PTPRF: variants seen among roughly 807,000 people sequenced by gnomAD.
PTPRF encodes protein tyrosine phosphatase receptor type F, also known as receptor-type tyrosine-protein phosphatase F.
In PTPRF, 59 loss-of-function variants were observed where a neutral mutation model predicts 201.8. The ratio of observed to expected loss-of-function variants is 0.29; its 90% CI spans 0.24 to 0.36. The LOEUF (loss-of-function observed/expected upper bound fraction) is 0.36. Among genes scored for constraint, PTPRF ranks in the 10% least tolerant of loss-of-function variants. The pLI is 1.00. For synonymous variants in PTPRF, 1,088 were observed against 1,089.7 expected (o/e 1.00, Z 0.03); for missense variants, 2,132 against 2,690.5 (o/e 0.79, Z 4.59).
chr1:43,571,706 C>T (rs994288351), intron 6 of PTPRF, among the ~76,000 whole-genome samples: 2 of 152,224 alleles, frequency 1.3e-5, no homozygotes, highest in Admixed American at 1.3e-4. Flanking sequence ...GAGAATCCAT[C>T]ATCCTGTAGG....
chr1:43,531,226 G>T (rs1282604917), intron 1 of PTPRF, 136 bp downstream of exon 1: 1 of 150,038 alleles, frequency 6.7e-6, no homozygotes, highest in African/African-American at 2.4e-5. Context: ...AGGCCGGGCC[G>T]CGCCCCCACC....
At chr1:43,607,965 C>T (rs1161486271) in intron 21 of PTPRF, among the ~76,000 whole-genome samples, 1 of 152,260 alleles carries the variant, frequency 6.6e-6, no homozygotes, top group African/African-American at 2.4e-5. Context: ...TCAGTGAGCA[C>T]CTGGCAGATG....
chr1:43,618,516 G>C (rs1183686900), intron 25 of PTPRF, 114 bp from the exon 26 acceptor site: 1 of 1,341,614 alleles, frequency 7.5e-7, no homozygotes, highest in Admixed American at 2.0e-5. Context: ...GCTCAGGGCT[G>C]GGGGGCTTTG....
chr1:43,564,239 T>TGCAGATCTG (rs1391380356), intron 5 of PTPRF, among the ~76,000 whole-genome samples: 6 of 152,190 alleles, frequency 3.9e-5, no homozygotes, highest in Admixed American at 2.0e-4. Flanking sequence ...TGTGGGAGCG[T>TGCAGATCTG]GCAGATCTGG....
upstream of PTPRF, among the ~76,000 whole-genome samples, chr1:43,528,181 G>A (rs182400959): frequency 6.6e-6 from 1 of 152,256 alleles, no homozygotes; most frequent in East Asian, 1.9e-4. Context: ...ACTAAAGGTA[G>A]AGCAAGTCTT....
intron 30 of PTPRF, 91 bp downstream of exon 30, chr1:43,620,312 T>G: frequency 6.4e-7 from 1 of 1,564,672 alleles, no homozygotes; most frequent in Non-Finnish European, 8.7e-7. Context: ...ACTGTCTCCT[T>G]TGACACCCCA....
chr1:43,606,392 G>A lies in PTPRF; in HGVS notation c.3636G>A (p.Arg1212=), dbSNP rs1303737499. 1.2e-6 allele frequency: 2 copies of A among 1,614,140 alleles called. No individual in the cohort carries two copies. The highest frequency in any genetic ancestry group is 1.7e-6 in the Non-Finnish European group (2 of 1,180,016). The change falls in exon 20 of 34, where the codon CGG becomes CGA. Residue 1212 remains arginine, a synonymous_variant. Transcript: ENST00000359947. ...DKKNYRGFYN[R]PLSPDLSYQC... is the part of the protein sequence containing the mutation. ...AGAACTACCGGGGCTTCTACAACCG[G>A]CCCCTGTCTCCGGACTTGAGCTACC...
chr1:43,591,288 A>G lies in PTPRF; in HGVS notation c.1266A>G (p.Ala422=), dbSNP rs1650643472. Residue 422 remains alanine, a synonymous_variant, in exon 9 of 34, where the codon GCA becomes GCG. Transcript: ENST00000359947. ...APSSPPRRVQ[A]RMLSASTMLV... is the part of the protein sequence containing the mutation. ...CCAGCCCACCGCGCCGCGTGCAGGC[A>G]CGCATGCTGAGCGCCAGCACCATGC... The G allele has an allele frequency of 6.4e-7, 1 of 1,554,238 alleles. No individual in the cohort carries two copies. The highest frequency in any genetic ancestry group is 1.4e-5 in the African/African-American group (1 of 73,470).
At chr1:43,543,707 C>A (rs1268201281) in intron 2 of PTPRF, among the ~76,000 whole-genome samples, 2 of 152,212 alleles carry the variant, frequency 1.3e-5, no homozygotes, top group Non-Finnish European at 2.9e-5. Flanking sequence ...TTCCTGGTCA[C>A]CTGCCCTGTC....
At chr1:43,533,150 T>C (rs1413434846) in intron 1 of PTPRF, among the ~76,000 whole-genome samples, 1 of 152,242 alleles carries the variant, frequency 6.6e-6, no homozygotes, top group East Asian at 1.9e-4. Flanking sequence ...TTCTTTCCTT[T>C]AACAAGAAAA....
intron 5 of PTPRF, among the ~76,000 whole-genome samples, chr1:43,555,971 C>T (rs1286353929): frequency 6.6e-6 from 1 of 152,172 alleles, no homozygotes; most frequent in Non-Finnish European, 1.5e-5. Context: ...ATTTTTAAGC[C>T]TTTTGATATT....
At chr1:43,599,032 C>A in intron 13 of PTPRF, 119 bp downstream of exon 13, 1 of 1,125,648 alleles carries the variant, frequency 8.9e-7, no homozygotes, top group Non-Finnish European at 1.2e-6. Context: ...GCTGTGACTG[C>A]CTTTCCTTGG....
chr1:43,613,571 C>T, intron 22 of PTPRF, 47 bp from the exon 23 acceptor site: 1 of 1,493,930 alleles, frequency 6.7e-7, no homozygotes, highest in Non-Finnish European at 9.3e-7. Flanking sequence ...TGCCACACTG[C>T]TCAAGCCTCA....
intron 2 of PTPRF, among the ~76,000 whole-genome samples, chr1:43,540,160 C>T (rs1443774363): frequency 6.6e-6 from 1 of 152,206 alleles, no homozygotes; most frequent in Non-Finnish European, 1.5e-5. Context: ...TCCCTGGTTT[C>T]TTCCCCCTAG....
chr1:43,582,107 T>C (rs1169994488), intron 7 of PTPRF, among the ~76,000 whole-genome samples: 1 of 152,206 alleles, frequency 6.6e-6, no homozygotes, highest in Non-Finnish European at 1.5e-5. Flanking sequence ...TTGGCTTCGG[T>C]GTCTACCTCA....
At chr1:43,581,259 C>T (rs1016750732) in intron 7 of PTPRF, among the ~76,000 whole-genome samples, 2 of 152,246 alleles carry the variant, frequency 1.3e-5, no homozygotes, top group South Asian at 2.1e-4. Flanking sequence ...GCTCCATCCC[C>T]ACATGCCTTT....
upstream of PTPRF, among the ~76,000 whole-genome samples, chr1:43,529,390 A>C (rs1233325670): frequency 1.3e-5 from 2 of 152,360 alleles, no homozygotes; most frequent in South Asian, 4.1e-4. Flanking sequence ...TCCTCAGCCC[A>C]GATCCCTGAA....
Position 43,603,946 on chromosome 1 carries a change from A to G in PTPRF, c.2794A>G (p.Thr932Ala). Reference protein sequence around the residue: ...LHVTGLTTSTTELAWDPPVLA... With the variant: ...LHVTGLTTSTAELAWDPPVLA... ...TGTGACAGGACTGACCACGTCTACC[A>G]CAGAACTGGCCTGGGACCCGCCAGT... Residue 932 changes from threonine (T) to alanine (A), a missense_variant, in exon 16 of 34, where the codon ACA becomes GCA. By Grantham distance (58) the Thr-to-Ala change is moderately conservative. Around this residue, in one of 6 missense-constraint regions of PTPRF, gnomAD observed 818 missense variants for 915.3 expected, o/e 0.89. Transcript: ENST00000359947. This position sits in a 1 kb window ranked among gnomAD's most constrained non-coding sequence, Gnocchi z 5.8. 3 of 1,614,042 alleles carry G rather than the reference A, an allele frequency of 1.9e-6. No homozygotes were observed. Among genetic ancestry groups the G allele is most frequent in the Non-Finnish European group, 1.7e-6 (2 of 1,180,016 alleles).
At chr1:43,618,780 C>A in intron 26 of PTPRF, 31 bp downstream of exon 26, 1 of 1,585,096 alleles carries the variant, frequency 6.3e-7, no homozygotes, top group Non-Finnish European at 8.6e-7. Flanking sequence ...ATATCTCTTA[C>A]CCAGACACTG....
Sources: gnomAD v4.1 joint callset for allele counts (sites outside exome capture counted in the v4.1 genomes callset) on GRCh38, gnomAD v4.1.1 for gene constraint, gnomAD v4.1.1 regional missense constraint, Gnocchi (gnomAD v3.1) non-coding constraint, MANE v1.5 for transcripts, NCBI Gene and HGNC (gene_info 2026-07-23, HGNC 2026-07-21) for gene names.